SLAMF9: variants seen among roughly 807,000 people sequenced by gnomAD.
The protein encoded by SLAMF9 is CD2 family member 10.
Under a neutral mutation model 30.4 loss-of-function variants are expected in SLAMF9, and 25 were observed. The observed-to-expected ratio is 0.82, with a 90% CI of 0.60 to 1.15. The LOEUF is 1.15. Among genes scored for constraint, SLAMF9 ranks in the 50% most tolerant of loss-of-function variants. The probability of loss-of-function intolerance (pLI) is 0.00; values close to 1 mark genes in which losing one functional copy is unlikely to be tolerated. For synonymous variants in SLAMF9, 129 were observed against 127.2 expected, an observed-to-expected ratio of 1.01 and a Z score of -0.09; for missense variants, 344 against 346.1, an observed-to-expected ratio of 0.99 and a Z score of 0.05.
At chr1:159,964,394 C>T in the SLAMF9 span, among the ~76,000 whole-genome samples, 1 of 152,092 alleles carries the variant, frequency 6.6e-6, no homozygotes, top group African/African-American at 2.4e-5. Flanking sequence ...ATCTGTTCTC[C>T]TGGGCTTTCT....
chr1:159,981,731 T>C, the SLAMF9 span, among the ~76,000 whole-genome samples: 6 of 152,214 alleles, frequency 3.9e-5, no homozygotes, highest in African/African-American at 1.4e-4. Context: ...TGTTGGGTGT[T>C]CACACTGCCC....
chr1:159,967,601 C>G, the SLAMF9 span, among the ~76,000 whole-genome samples: 1 of 152,182 alleles, frequency 6.6e-6, no homozygotes, highest in African/African-American at 2.4e-5. Flanking sequence ...TTGTTGTTCC[C>G]TACGAACTTA....
rs1201697186 is a variant in SLAMF9, at chr1:159,952,435, T to A, written c.491A>T (p.Asp164Val). The change falls in exon 3 of 4, where the codon GAT (aspartate) becomes GTT (valine). Residue 164 changes from aspartate to valine, a missense_variant. Physicochemically the swap from Asp to Val is radical, Grantham distance 152. Coordinates refer to ENST00000368093, the MANE Select transcript of SLAMF9 (RefSeq NM_033438.4). ...LVCSVEKAGMDMTYSWLSRGD... is the reference protein window; with the variant it reads ...LVCSVEKAGMVMTYSWLSRGD... ...CCGGGAGAGCCAGCTGTAGGTCATA[T>A]CCATGCCTGCCTTCTCCACAGAGCA... 12 of 1,613,978 alleles carry A rather than the reference T, an allele frequency of 7.4e-6. No homozygotes were observed. In the East Asian group the frequency reaches 2.7e-4, roughly 36 times the overall value.
chr1:159,965,402 T>C, the SLAMF9 span: 4 of 151,596 alleles, frequency 2.6e-5, no homozygotes, highest in African/African-American at 4.9e-5. Flanking sequence ...GTTTGGGGAG[T>C]TGTCAACAGA....
upstream of SLAMF9, among the ~76,000 whole-genome samples, chr1:159,954,989 A>C (rs916037364): frequency 1.3e-5 from 2 of 151,898 alleles, no homozygotes; most frequent in African/African-American, 2.4e-5. Flanking sequence ...GAGGCAAGAG[A>C]ATCACTTGAA....
chr1:159,955,082 CAAA>C (rs565653639), upstream of SLAMF9, among the ~76,000 whole-genome samples: 4 of 56,376 alleles, frequency 7.1e-5, no homozygotes, highest in Non-Finnish European at 7.5e-5. Context: ...TGTCTCAAAG[CAAA>C]AAAAAAAAAA....
At chr1:159,982,738 CAT>C in the SLAMF9 span, among the ~76,000 whole-genome samples, 1 of 152,264 alleles carries the variant, frequency 6.6e-6, no homozygotes, top group Admixed American at 6.5e-5. Context: ...GTGTAGGAAA[CAT>C]AACGACATGG....
At chr1:159,969,981 G>A in the SLAMF9 span, among the ~76,000 whole-genome samples, 1 of 152,134 alleles carries the variant, frequency 6.6e-6, no homozygotes, top group Non-Finnish European at 1.5e-5. Flanking sequence ...GCCCGGGGGT[G>A]AAGGGGGAGT....
the SLAMF9 span, among the ~76,000 whole-genome samples, chr1:159,966,055 C>T: frequency 3.9e-5 from 6 of 152,068 alleles, no homozygotes; most frequent in African/African-American, 1.4e-4. Context: ...GATCTCAAAA[C>T]TTATTCCTCT....
At chr1:159,970,036 G>T in the SLAMF9 span, among the ~76,000 whole-genome samples, 1 of 151,768 alleles carries the variant, frequency 6.6e-6, no homozygotes, top group Non-Finnish European at 1.5e-5. Context: ...CTCCAGTGTG[G>T]GTGACAGAGC....
the SLAMF9 span, among the ~76,000 whole-genome samples, chr1:159,974,428 C>T: frequency 6.6e-6 from 1 of 152,174 alleles, no homozygotes; most frequent in African/African-American, 2.4e-5. Flanking sequence ...TCCTCCTGAA[C>T]AGATTCCAAT....
the SLAMF9 span, among the ~76,000 whole-genome samples, chr1:159,982,649 C>A: frequency 2.0e-5 from 3 of 152,206 alleles, no homozygotes; most frequent in African/African-American, 4.8e-5. Flanking sequence ...AAAGTCATTT[C>A]TGTATCTCCA....
chr1:159,971,809 G>A, the SLAMF9 span, among the ~76,000 whole-genome samples: 1 of 152,036 alleles, frequency 6.6e-6, no homozygotes, highest in Non-Finnish European at 1.5e-5. Context: ...TGACACCCAG[G>A]CCCTTAGAGC....
chr1:159,953,298 C>T lies in SLAMF9; in HGVS notation c.391+11G>A, dbSNP rs1651824898. ...CCAAAACCAGCTTTATGGTTCCCAGCCTAAACTCACGGTAGACACATATAT... is the reference window on the plus strand; with the variant it reads ...CCAAAACCAGCTTTATGGTTCCCAGTCTAAACTCACGGTAGACACATATAT... On this transcript the variant is annotated intron_variant, in intron 2 of 3. Transcript: ENST00000368093. 6.3e-7 allele frequency: 1 copy of T among 1,587,656 alleles called. No homozygotes were observed. Among genetic ancestry groups the T allele is most frequent in the South Asian group, 1.1e-5 (1 of 89,120 alleles).
At chr1:159,960,006 T>G in the SLAMF9 span, among the ~76,000 whole-genome samples, 3 of 151,136 alleles carry the variant, frequency 2.0e-5, no homozygotes, top group Non-Finnish European at 3.0e-5. Context: ...TCCACCTGAC[T>G]TCTTTATATA....
the SLAMF9 span, among the ~76,000 whole-genome samples, chr1:159,962,659 G>C: frequency 6.6e-6 from 1 of 152,192 alleles, no homozygotes; most frequent in Non-Finnish European, 1.5e-5. Flanking sequence ...AGATAGGTTT[G>C]TATGAGACAA....
At chr1:159,958,053 T>C (rs1055565264), upstream of SLAMF9, among the ~76,000 whole-genome samples, 26 of 152,232 alleles carry the variant, frequency 1.7e-4, no homozygotes, top group African/African-American at 6.3e-4. Context: ...GACTGCCCGT[T>C]AGAGAAGGCC....
At chr1:159,973,023 C>T in the SLAMF9 span, 4 of 1,417,322 alleles carry the variant, frequency 2.8e-6, no homozygotes, top group Non-Finnish European at 3.7e-6. Context: ...CAGCTGGGGG[C>T]TCTGCTTCTG....
At chr1:159,979,558 A>G in the SLAMF9 span, among the ~76,000 whole-genome samples, 2 of 152,206 alleles carry the variant, frequency 1.3e-5, no homozygotes, top group African/African-American at 4.8e-5. Flanking sequence ...CAATAGTTAA[A>G]AGTCAAGGTA....
Sources: gnomAD v4.1 joint callset for allele counts (sites outside exome capture counted in the v4.1 genomes callset) on GRCh38, gnomAD v4.1.1 for gene constraint, MANE v1.5 for transcripts, NCBI Gene and HGNC (gene_info 2026-07-23, HGNC 2026-07-21) for gene names.